Variants in WNT5A observed in about 807,000 individuals in gnomAD.
WNT5A encodes protein Wnt-5a.
In WNT5A, 9 loss-of-function variants were observed where a neutral mutation model predicts 42.1. The observed-to-expected ratio is 0.21, with a 90% CI of 0.13 to 0.37. The LOEUF (loss-of-function observed/expected upper bound fraction) is 0.37. WNT5A is among the 10% of genes least tolerant of loss of function. WNT5A has a pLI of 1.00. For missense variants in WNT5A, 426 were observed against 534.0 expected (o/e 0.80, Z 1.99); for synonymous variants, 210 against 210.0 (o/e 1.00, Z 0.00).
chr3:55,485,214 C>T (rs2051554129), intron 1 of WNT5A, among the ~76,000 whole-genome samples: 1 of 151,266 alleles, frequency 6.6e-6, no homozygotes, highest in Admixed American at 6.6e-5. Context: ...GCCCGCCCGC[C>T]CGCCCCAAGG....
At chr3:55,480,095 T>C (rs115798231) in intron 2 of WNT5A, among the ~76,000 whole-genome samples, 2,803 of 152,244 alleles carry the variant, frequency 0.018, 39 homozygotes, top group Non-Finnish European at 0.026. Context: ...CCTTATGTGA[T>C]TGTGAGGGAC....
At chr3:55,477,642 A>C (rs184936744) in intron 3 of WNT5A, among the ~76,000 whole-genome samples, 218 of 152,324 alleles carry the variant, frequency 1.4e-3, no homozygotes, top group African/African-American at 5.1e-3. Context: ...TCCCTGAGGA[A>C]GCAGGCTCTT....
the WNT5A span, among the ~76,000 whole-genome samples, chr3:55,498,887 A>G: frequency 6.6e-6 from 1 of 152,170 alleles, no homozygotes; most frequent in South Asian, 2.1e-4. Context: ...CATATAACAA[A>G]AGCAACACTG....
chr3:55,474,426 C>T lies in WNT5A; in HGVS notation c.595G>A (p.Ala199Thr), dbSNP rs181787192. Reference sequence around the variant, plus strand: ...GCGTGGATGCGCTCCCGCTCGCGGGCGTCCACGAACTCCTTGGCAAAGCGG... The same window carrying T: ...GCGTGGATGCGCTCCCGCTCGCGGGTGTCCACGAACTCCTTGGCAAAGCGG... ...GYRFAKEFVD[A>T]RERERIHAKG... is the part of the protein sequence containing the mutation. The change falls in exon 4 of 5, where the codon GCC (alanine) becomes ACC (threonine). Residue 199 changes from alanine to threonine, a missense_variant. By Grantham distance (58) the Ala-to-Thr change is moderately conservative (BLOSUM62 0). Transcript: ENST00000264634. The T allele has an allele frequency of 1.2e-6, 2 of 1,611,110 alleles. No homozygotes were observed. The highest frequency in any genetic ancestry group is 1.7e-6 in the Non-Finnish European group (2 of 1,179,388).
chr3:55,477,326 T>C (rs529486987), intron 3 of WNT5A, among the ~76,000 whole-genome samples: 3 of 152,326 alleles, frequency 2.0e-5, no homozygotes, highest in African/African-American at 7.2e-5. Flanking sequence ...CTTTTTTAAT[T>C]AAGTAAAAAA....
rs376065397 is a variant in WNT5A at position 55,482,171 on chromosome 3, C to T, written c.7-1253G>A. On this transcript the variant is annotated intron_variant, in intron 1 of 4. Transcript: ENST00000264634. ...GGGCCAGAGGCGCTGGCTTCCGAGC[C>T]GCAGCTGGGCGCATCGATTCCAGGG... Among the ~76,000 whole-genome samples, 12 of 152,356 alleles carry T rather than the reference C, an allele frequency of 7.9e-5. No homozygotes were observed. The East Asian group carries it at 2.3e-3, about 29-fold the overall frequency.
At chr3:55,494,963 A>G (rs2051700538), upstream of WNT5A, among the ~76,000 whole-genome samples, 1 of 152,196 alleles carries the variant, frequency 6.6e-6, no homozygotes. Context: ...CAAGTGTTAG[A>G]CTTTGGCCAA....
intron 4 of WNT5A, among the ~76,000 whole-genome samples, chr3:55,473,107 C>T (rs1270662162): frequency 6.6e-6 from 1 of 152,196 alleles, no homozygotes; most frequent in Non-Finnish European, 1.5e-5. Context: ...CTCTTCATCT[C>T]TTAGCTGTGA....
intron 4 of WNT5A, among the ~76,000 whole-genome samples, chr3:55,473,346 C>T (rs1382665486): frequency 6.6e-6 from 1 of 152,184 alleles, no homozygotes. Context: ...AAGTTCCTGG[C>T]ACCTACCTTG....
chr3:55,494,773 A>G (rs1022992178), upstream of WNT5A, among the ~76,000 whole-genome samples: 1 of 152,142 alleles, frequency 6.6e-6, no homozygotes, highest in Non-Finnish European at 1.5e-5. Context: ...TCTTGACCTC[A>G]TGATCCACCC....
chr3:55,493,216 G>A (rs1356443120), upstream of WNT5A, among the ~76,000 whole-genome samples: 2 of 152,218 alleles, frequency 1.3e-5, no homozygotes, highest in African/African-American at 2.4e-5. Context: ...GTGCTGCTCA[G>A]GTCATGTCAC....
the WNT5A span, among the ~76,000 whole-genome samples, chr3:55,500,364 T>C: frequency 6.6e-6 from 1 of 152,242 alleles, no homozygotes; most frequent in Non-Finnish European, 1.5e-5. Flanking sequence ...AGAATATTGT[T>C]AATGGATGGC....
chr3:55,489,010 G>C (rs2076831), upstream of WNT5A: 78,700 of 151,646 alleles, frequency 0.52, 20,835 homozygotes, highest in African/African-American at 0.62. Context: ...CCCAGAGCAT[G>C]AGGCGCGATG....
rs148393573 is a variant in WNT5A, at chr3:55,481,518, G to A, written c.7-600C>T. The A allele has an allele frequency of 3.2e-5, 16 of 493,120 alleles. 1 individual carries two copies. The highest frequency in any genetic ancestry group is 1.3e-4 in the African/African-American group (6 of 47,036). The allele number at this position is 493,120 out of a possible 1,614,324, so 30.5% of individuals were successfully genotyped here. A position where few individuals can be genotyped will look rare whatever the true frequency, so the allele number is the denominator to read the frequency against. On this transcript the variant is annotated intron_variant, in intron 1 of 4. Transcript: ENST00000264634. Reference sequence around the variant, plus strand: ...GGCGAGGCCCCGGGGACCAGCGCGCGAGAGTGCCCAGCTGGGAAATGCAGC... The same window carrying A: ...GGCGAGGCCCCGGGGACCAGCGCGCAAGAGTGCCCAGCTGGGAAATGCAGC...
At position 55,483,910 on chromosome 3, in the gene WNT5A, CG is replaced by C. The variant is rs2051518149; in HGVS notation, c.7-2993del. Among the ~76,000 whole-genome samples, 1 of 151,870 alleles carries C rather than the reference CG, an allele frequency of 6.6e-6. No individual in the cohort carries two copies. Among genetic ancestry groups the C allele is most frequent in the Non-Finnish European group, 1.5e-5 (1 of 67,964 alleles). On this transcript the variant is annotated intron_variant, in intron 1 of 4. Coordinates refer to ENST00000264634, the MANE Select transcript of WNT5A (RefSeq NM_003392.7). This position sits in a 1 kb window ranked among gnomAD's most constrained non-coding sequence, Gnocchi z 4.2. ...ACGTTCGGAGGGCGCGGGGAGCAGCCGGATGCACACCTAAAGTCTCGCAACA... is the reference window on the plus strand; with the variant it reads ...ACGTTCGGAGGGCGCGGGGAGCAGCCGATGCACACCTAAAGTCTCGCAACA...
intron 3 of WNT5A, among the ~76,000 whole-genome samples, chr3:55,478,355 C>G (rs889855594): frequency 3.8e-4 from 58 of 152,046 alleles, no homozygotes; most frequent in African/African-American, 1.4e-3. Context: ...GGACATTAAG[C>G]CAACTTTTCT....
chr3:55,501,043 A>C, the WNT5A span, among the ~76,000 whole-genome samples: 1 of 152,230 alleles, frequency 6.6e-6, no homozygotes, highest in Non-Finnish European at 1.5e-5. Flanking sequence ...GGAAGTTATT[A>C]TTATTATCAC....
Position 55,487,057 on chromosome 3 carries a change from A to C in WNT5A, c.-72T>G. 1 of 1,500,250 alleles carries C rather than the reference A, an allele frequency of 6.7e-7. No homozygotes were observed. Among genetic ancestry groups the C allele is most frequent in the Non-Finnish European group, 9.2e-7 (1 of 1,091,102 alleles). 92.9% of individuals were successfully genotyped at this position (1,500,250 alleles called of 1,614,324 possible). ...GCAGCCGAGGAATCCGAGCGGAGCG[A>C]CCGGGTTAAGCCTGGGGGGACGGTC... is the stretch of plus-strand genomic sequence containing the variant. On this transcript the variant is annotated 5_prime_UTR_variant, in exon 1 of 5. Coordinates refer to ENST00000264634, the MANE Select transcript of WNT5A (RefSeq NM_003392.7).
chr3:55,502,992 C>G, the WNT5A span, among the ~76,000 whole-genome samples: 2 of 152,198 alleles, frequency 1.3e-5, no homozygotes, highest in Non-Finnish European at 2.9e-5. Context: ...ATTTTTAAAA[C>G]CTGGTGTTTT....
Sources: allele counts gnomAD v4.1 joint callset (sites outside exome capture counted in the v4.1 genomes callset), GRCh38; gene constraint gnomAD v4.1.1; non-coding constraint Gnocchi (gnomAD v3.1); transcripts MANE v1.5; gene names NCBI Gene and HGNC (gene_info 2026-07-23, HGNC 2026-07-21).